The following CDH20 variants were observed in gnomAD, a reference collection of about 807,000 sequenced individuals.
The protein encoded by CDH20 is cadherin-20.
A neutral mutation model predicts 74.2 loss-of-function variants in CDH20; 29 were observed. That is an observed-to-expected ratio of 0.39 (90% CI 0.29 to 0.53). The LOEUF (loss-of-function observed/expected upper bound fraction) is 0.53, where lower values mean the gene tolerates loss of function less well. Ranked by LOEUF, CDH20 falls within the 20% of genes least tolerant of loss-of-function variation. The probability of loss-of-function intolerance (pLI) is 0.69; values close to 1 mark genes in which losing one functional copy is unlikely to be tolerated. For synonymous variants in CDH20, 469 were observed against 405.4 expected (o/e 1.16, Z -1.88); for missense variants, 988 against 1,048.3 (o/e 0.94, Z 0.79).
intron 1 of CDH20, among the ~76,000 whole-genome samples, chr18:61,364,750 T>C (rs1910806684): frequency 6.6e-6 from 1 of 152,230 alleles, no homozygotes; most frequent in Non-Finnish European, 1.5e-5. Context: ...GGAAGCAGCC[T>C]GAGGCTTGGC....
chr18:61,500,794 T>C (rs1568166220), intron 4 of CDH20, among the ~76,000 whole-genome samples: 1 of 152,312 alleles, frequency 6.6e-6, no homozygotes, highest in East Asian at 1.9e-4. Flanking sequence ...GTTATATTTA[T>C]TCCCAGGGAC....
chr18:61,554,445 A>G lies in CDH20; in HGVS notation c.2156A>G (p.Asn719Ser). The G allele has an allele frequency of 6.2e-7, 1 of 1,613,330 alleles. No homozygotes were observed. The highest frequency in any genetic ancestry group is 1.6e-4 in the Middle Eastern group (1 of 6,062). ...SRYVPQTCAVNSTVHSYVLAK... is the reference protein window; with the variant it reads ...SRYVPQTCAVSSTVHSYVLAK... ...TACGTGCCTCAGACGTGCGCAGTGA[A>G]CAGCACTGTCCACAGCTACGTGCTG... The change falls in exon 12 of 12, where the codon AAC becomes AGC. Residue 719 changes from asparagine to serine, a missense_variant. Asn to Ser is a conservative substitution (Grantham distance 46, BLOSUM62 1). This residue lies in a region of CDH20 where 375 missense variants were observed against 293.1 expected (regional missense o/e 1.28). Transcript: ENST00000262717.
At chr18:61,334,006 C>T (rs1428782510) in intron 1 of CDH20, among the ~76,000 whole-genome samples, 179 bp downstream of exon 1, 1 of 152,160 alleles carries the variant, frequency 6.6e-6, no homozygotes, top group African/African-American at 2.4e-5. Context: ...TCGACTTCCT[C>T]GGACTTAGTG....
intron 1 of CDH20, among the ~76,000 whole-genome samples, chr18:61,336,200 C>T (rs918484520): frequency 7.2e-5 from 11 of 152,208 alleles, no homozygotes; most frequent in African/African-American, 2.7e-4. Flanking sequence ...CATAGGATAA[C>T]AGATCTAGCA....
chr18:61,544,029 A>C (rs1363022511), intron 9 of CDH20, among the ~76,000 whole-genome samples: 1 of 152,222 alleles, frequency 6.6e-6, no homozygotes, highest in Non-Finnish European at 1.5e-5. Context: ...CTAACATCTG[A>C]AGTATTTAGG....
At chr18:61,368,860 CAA>C (rs1296541435) in intron 1 of CDH20, among the ~76,000 whole-genome samples, 15 of 87,858 alleles carry the variant, frequency 1.7e-4, no homozygotes, top group Admixed American at 3.7e-4. Context: ...AGTTCTTTTT[CAA>C]AAAAAAAAAA....
intron 1 of CDH20, among the ~76,000 whole-genome samples, chr18:61,364,020 C>A (rs1288555068): frequency 6.6e-6 from 1 of 152,226 alleles, no homozygotes; most frequent in Admixed American, 6.5e-5. Context: ...GTACCAGATA[C>A]ACTTGGAACT....
chr18:61,481,470 T>C lies in CDH20; in HGVS notation c.-152-8932T>C, dbSNP rs577237954. Among the ~76,000 whole-genome samples, 426 of 152,320 alleles carry C rather than the reference T, an allele frequency of 2.8e-3. 1 individual carries two copies. The highest frequency in any genetic ancestry group is 9.4e-3 in the African/African-American group (391 of 41,568). ...TAAACCGCGATGTCCTGATTCCAAA[T>C]GATACACTATGTTCTAAAAGAGATT... On this transcript the variant is annotated intron_variant, in intron 1 of 11. Transcript: ENST00000262717.
Position 61,509,030 on chromosome 18 carries a change from C to T in CDH20, c.1017+1470C>T, listed in dbSNP as rs951335167. On this transcript the variant is annotated intron_variant, in intron 6 of 11. Transcript: ENST00000262717. ...TTATGTAGGAGCTAAGCTTTGAGGG[C>T]GTAAAGGCATAAGAATGATACAGTG... is the stretch of plus-strand genomic sequence containing the variant. Among the ~76,000 whole-genome samples, 15 of 152,030 alleles carry T rather than the reference C, an allele frequency of 9.9e-5. 1 individual carries two copies. The South Asian group carries it at 1.7e-3, about 17-fold the overall frequency.
chr18:61,358,199 C>G (rs1048830279), intron 1 of CDH20, among the ~76,000 whole-genome samples: 6 of 150,948 alleles, frequency 4.0e-5, no homozygotes, highest in African/African-American at 1.2e-4. Flanking sequence ...ACTGCAAGCT[C>G]TGCCTCCTGG....
At chr18:61,489,003 A>G (rs1406965733) in intron 1 of CDH20, among the ~76,000 whole-genome samples, 1 of 152,178 alleles carries the variant, frequency 6.6e-6, no homozygotes, top group Non-Finnish European at 1.5e-5. Context: ...ATTGCCCTCA[A>G]TGAGGTGCAC....
intron 1 of CDH20, among the ~76,000 whole-genome samples, chr18:61,397,483 T>G (rs781033927): frequency 6.6e-6 from 1 of 152,124 alleles, no homozygotes; most frequent in Non-Finnish European, 1.5e-5. Flanking sequence ...CCGGGCTGGC[T>G]CCTTTTAACC....
chr18:61,399,820 CT>C (rs529785678), intron 1 of CDH20, among the ~76,000 whole-genome samples: 45 of 152,272 alleles, frequency 3.0e-4, no homozygotes, highest in Non-Finnish European at 4.9e-4. Context: ...TACAATTACA[CT>C]AAGGCAAAGC....
At chr18:61,366,615 C>T (rs1461724819) in intron 1 of CDH20, among the ~76,000 whole-genome samples, 1 of 151,972 alleles carries the variant, frequency 6.6e-6, no homozygotes, top group Non-Finnish European at 1.5e-5. Context: ...ATCTGAGTAG[C>T]TAGCATATCT....
intron 1 of CDH20, among the ~76,000 whole-genome samples, chr18:61,346,504 T>A (rs1019872172): frequency 6.6e-6 from 1 of 152,152 alleles, no homozygotes; most frequent in Non-Finnish European, 1.5e-5. Context: ...AATTGTTTTT[T>A]AAAAAATTGA....
chr18:61,449,818 G>A (rs1233716470), intron 1 of CDH20, among the ~76,000 whole-genome samples: 1 of 151,894 alleles, frequency 6.6e-6, no homozygotes, highest in East Asian at 1.9e-4. Flanking sequence ...ACTGAACAGG[G>A]AGGGGGTATT....
chr18:61,482,841 G>A (rs968376100), intron 1 of CDH20, among the ~76,000 whole-genome samples: 2 of 152,036 alleles, frequency 1.3e-5, no homozygotes, highest in Admixed American at 1.3e-4. Context: ...TGCTCACTAT[G>A]AACTATGGAG....
rs571836766 is a variant in CDH20, at chr18:61,546,592, G to T, written c.1648+1448G>T. Among the ~76,000 whole-genome samples the T allele has an allele frequency of 1.0e-3, 154 of 152,220 alleles. 1 individual carries two copies. Among genetic ancestry groups the T allele is most frequent in the African/African-American group, 3.5e-3 (144 of 41,500 alleles). On this transcript the variant is annotated intron_variant, in intron 10 of 11. Transcript: ENST00000262717. ...GCTTTACAAAGGCAACCCTGGGGAG[G>T]GAAAATAACACATTGTAACACATTA...
chr18:61,533,512 T>C (rs1173819255), intron 7 of CDH20, among the ~76,000 whole-genome samples: 2 of 152,238 alleles, frequency 1.3e-5, no homozygotes, highest in Admixed American at 6.5e-5. Context: ...GTTATTGAGT[T>C]ATTTATATAT....
Sources: allele counts gnomAD v4.1 joint callset (sites outside exome capture counted in the v4.1 genomes callset), GRCh38; gene constraint gnomAD v4.1.1; regional missense constraint gnomAD v4.1.1; transcripts MANE v1.5; gene names NCBI Gene and HGNC (gene_info 2026-07-23, HGNC 2026-07-21).